Variants in MAPK14 observed in about 807,000 individuals in gnomAD.
The protein encoded by MAPK14 is mitogen-activated protein kinase 14.
In MAPK14, 16 loss-of-function variants were observed where a neutral mutation model predicts 49.6. The ratio of observed to expected loss-of-function variants is 0.32; its 90% CI spans 0.22 to 0.49. The LOEUF (loss-of-function observed/expected upper bound fraction) is 0.49. MAPK14 is among the 20% of genes least tolerant of loss of function. MAPK14 has a pLI of 0.99. For synonymous variants in MAPK14, 142 were observed against 158.0 expected (o/e 0.90, Z 0.76); for missense variants, 200 against 441.2 (o/e 0.45, Z 4.90).
chr6:36,092,913 C>G (rs1765295935), intron 8 of MAPK14, among the ~76,000 whole-genome samples: 1 of 152,042 alleles, frequency 6.6e-6, no homozygotes. Flanking sequence ...TGATCAGACT[C>G]AGTGGAAAGA....
At chr6:36,049,405 A>G (rs1219317959) in intron 1 of MAPK14, among the ~76,000 whole-genome samples, 4 of 152,158 alleles carry the variant, frequency 2.6e-5, no homozygotes, top group Non-Finnish European at 5.9e-5. Flanking sequence ...CTGCCGGTCC[A>G]TGGAGCACAC....
chr6:36,120,828 G>A, the MAPK14 span, among the ~76,000 whole-genome samples: 13,851 of 152,238 alleles, frequency 0.091, 728 homozygotes, highest in Middle Eastern at 0.11. Context: ...TATTCTCAAT[G>A]TCTTGAGAGG....
intron 8 of MAPK14, among the ~76,000 whole-genome samples, chr6:36,078,085 A>G (rs1323752734): frequency 2.6e-5 from 4 of 152,250 alleles, no homozygotes; most frequent in East Asian, 1.9e-4. Context: ...GAAAGGCAGT[A>G]TAACATACAG....
At chr6:36,102,066 T>A (rs1278055485) in intron 9 of MAPK14, among the ~76,000 whole-genome samples, 2 of 152,240 alleles carry the variant, frequency 1.3e-5, no homozygotes, top group African/African-American at 4.8e-5. Context: ...AGGACTGTTA[T>A]ATTAAGTTTA....
At chr6:36,121,875 A>G in the MAPK14 span, among the ~76,000 whole-genome samples, 1 of 152,156 alleles carries the variant, frequency 6.6e-6, no homozygotes, top group African/African-American at 2.4e-5. Flanking sequence ...TCTGTGTCTC[A>G]TTGTTATACA....
At chr6:36,058,882 C>G (rs57686907) in intron 2 of MAPK14, among the ~76,000 whole-genome samples, 1 of 128,422 alleles carries the variant, frequency 7.8e-6, no homozygotes, top group East Asian at 2.3e-4. Flanking sequence ...GATCCTGACT[C>G]TTTTTTTTTT....
At chr6:36,059,782 A>T (rs1477402377) in intron 3 of MAPK14, among the ~76,000 whole-genome samples, 1 of 152,078 alleles carries the variant, frequency 6.6e-6, no homozygotes, top group East Asian at 1.9e-4. Context: ...CCTCCTGAGG[A>T]GCTGGAACTA....
At chr6:36,086,354 C>T (rs1398703139) in intron 8 of MAPK14, among the ~76,000 whole-genome samples, 1 of 151,994 alleles carries the variant, frequency 6.6e-6, no homozygotes, top group East Asian at 1.9e-4. Context: ...CCAAAAATAT[C>T]AGTGACTCCC....
At chr6:36,073,150 C>T in intron 4 of MAPK14, 166 bp downstream of exon 4, 1 of 617,808 alleles carries the variant, frequency 1.6e-6, no homozygotes, top group Non-Finnish European at 2.9e-6. Flanking sequence ...CACTCAGTGA[C>T]AACAGTTACC....
intron 1 of MAPK14, among the ~76,000 whole-genome samples, chr6:36,044,774 T>C (rs1763107519): frequency 6.6e-6 from 1 of 151,996 alleles, no homozygotes; most frequent in African/African-American, 2.4e-5. Context: ...CTTTGGAGGA[T>C]TGTCTGAAGA....
chr6:36,119,597 C>T, the MAPK14 span, among the ~76,000 whole-genome samples: 2 of 152,150 alleles, frequency 1.3e-5, no homozygotes, highest in African/African-American at 4.8e-5. Context: ...GACAAATGAA[C>T]TAGAATGATT....
intron 9 of MAPK14, among the ~76,000 whole-genome samples, chr6:36,100,883 A>C (rs986831324): frequency 4.6e-5 from 7 of 152,166 alleles, no homozygotes; most frequent in African/African-American, 1.7e-4. Context: ...TTGGCATCAC[A>C]GAGGGCCCTT....
the MAPK14 span, among the ~76,000 whole-genome samples, chr6:36,119,532 A>C: frequency 6.6e-6 from 1 of 152,214 alleles, no homozygotes; most frequent in Non-Finnish European, 1.5e-5. Context: ...CAATAGGGGA[A>C]TAGGAAATAA....
At chr6:36,093,477 T>G (rs1765321933) in intron 8 of MAPK14, among the ~76,000 whole-genome samples, 1 of 152,108 alleles carries the variant, frequency 6.6e-6, no homozygotes, top group Admixed American at 6.5e-5. Context: ...CCCAGCCCTT[T>G]GGGAGGCCGA....
chr6:36,076,418 G>C (rs895410590), intron 7 of MAPK14, 119 bp from the exon 8 acceptor site: 2 of 719,380 alleles, frequency 2.8e-6, no homozygotes, highest in Non-Finnish European at 2.4e-6. Context: ...TATGATTGTT[G>C]AGCCTCAGAT....
At chr6:36,120,055 T>C in the MAPK14 span, among the ~76,000 whole-genome samples, 1 of 152,080 alleles carries the variant, frequency 6.6e-6, no homozygotes. Flanking sequence ...CCAGACAGCT[T>C]AGGTTCTAAT....
In MAPK14 at chr6:36,027,988, ACAG is replaced by A. The variant is rs1352068786; in HGVS notation, c.-165_-163del. 2.3e-6 allele frequency: 1 copy of A among 443,952 alleles called. No individual in the cohort carries two copies. The highest frequency in any genetic ancestry group is 4.4e-5 in the Admixed American group (1 of 22,794). 27.5% of individuals were successfully genotyped at this position (443,952 alleles called of 1,614,324 possible). On this transcript the variant is annotated 5_prime_UTR_variant, in exon 1 of 12. Transcript: ENST00000229794. ...GGGGCACATCCAGCCGCTGCGGCTGACAGCAGCCGCGCGCGCGGGAGTCTGCGG... is the reference window on the plus strand; with the variant it reads ...GGGGCACATCCAGCCGCTGCGGCTGACAGCCGCGCGCGCGGGAGTCTGCGG...
the MAPK14 span, among the ~76,000 whole-genome samples, chr6:36,121,091 T>C: frequency 6.6e-6 from 1 of 151,858 alleles, no homozygotes; most frequent in Non-Finnish European, 1.5e-5. Context: ...CAGAGGATGG[T>C]ATTCCAGACA....
At chr6:36,068,645 G>A (rs565519616) in intron 3 of MAPK14, among the ~76,000 whole-genome samples, 186 of 152,166 alleles carry the variant, frequency 1.2e-3, no homozygotes, top group South Asian at 4.4e-3. Context: ...AGTAAGAGAC[G>A]CCAGTCTATA....
Sources: gnomAD v4.1 joint callset for allele counts (sites outside exome capture counted in the v4.1 genomes callset) on GRCh38, gnomAD v4.1.1 for gene constraint, MANE v1.5 for transcripts, NCBI Gene and HGNC (gene_info 2026-07-23, HGNC 2026-07-21) for gene names.